The following MOB3B variants were observed in gnomAD, a reference collection of about 807,000 sequenced individuals.
MOB3B encodes the protein MOB kinase activator-like 2B.
In MOB3B, 7 loss-of-function variants were observed where a neutral mutation model predicts 18.7. The observed-to-expected ratio is 0.37, with a 90% CI of 0.21 to 0.70. The LOEUF is 0.70. Among genes scored for constraint, MOB3B ranks in the 30% least tolerant of loss-of-function variants. The pLI, the probability that MOB3B is intolerant of heterozygous loss-of-function variation, is 0.52. For synonymous variants in MOB3B, 111 were observed against 99.9 expected (o/e 1.11, Z -0.66); for missense variants, 253 against 281.3 (o/e 0.90, Z 0.72).
intron 2 of MOB3B, among the ~76,000 whole-genome samples, chr9:27,381,531 T>C (rs1396254541): frequency 6.6e-6 from 1 of 152,210 alleles, no homozygotes; most frequent in African/African-American, 2.4e-5. Flanking sequence ...CAGATGTGGA[T>C]AGCAGAGAAC....
intron 2 of MOB3B, among the ~76,000 whole-genome samples, chr9:27,448,949 CA>C (rs1230328528): frequency 1.3e-5 from 2 of 152,186 alleles, no homozygotes; most frequent in African/African-American, 4.8e-5. Context: ...TAGCTTATCC[CA>C]GATGTGACTA....
intron 2 of MOB3B, among the ~76,000 whole-genome samples, chr9:27,399,611 T>C (rs1012622305): frequency 2.6e-5 from 4 of 152,108 alleles, no homozygotes; most frequent in Admixed American, 2.0e-4. Context: ...ACCCTTCCAT[T>C]AATACAAATC....
chr9:27,425,381 A>AC (rs1822312406), intron 2 of MOB3B, among the ~76,000 whole-genome samples: 1 of 95,734 alleles, frequency 1.0e-5, no homozygotes. Flanking sequence ...CTCAAAAAAA[A>AC]AAAAAAAACA....
intron 1 of MOB3B, among the ~76,000 whole-genome samples, chr9:27,515,830 CTG>C (rs1820223821): frequency 6.6e-6 from 1 of 152,226 alleles, no homozygotes; most frequent in African/African-American, 2.4e-5. Context: ...GTGGATTGAA[CTG>C]TGTCTCCCCC....
intron 2 of MOB3B, among the ~76,000 whole-genome samples, chr9:27,428,223 C>T (rs1304504847): frequency 6.6e-6 from 1 of 152,084 alleles, no homozygotes; most frequent in Non-Finnish European, 1.5e-5. Flanking sequence ...TCAAGGAGCT[C>T]ATGATCTAGT....
chr9:27,527,095 T>C (rs1563891353), intron 1 of MOB3B, among the ~76,000 whole-genome samples: 1 of 152,234 alleles, frequency 6.6e-6, no homozygotes, highest in Non-Finnish European at 1.5e-5. Flanking sequence ...TTTTTTCCTA[T>C]AGTGATTTTT....
chr9:27,473,490 G>T (rs1168468914), intron 1 of MOB3B, among the ~76,000 whole-genome samples: 1 of 152,054 alleles, frequency 6.6e-6, no homozygotes, highest in Non-Finnish European at 1.5e-5. Context: ...AAGCAGAGAG[G>T]GACCTGTTGC....
intron 2 of MOB3B, among the ~76,000 whole-genome samples, chr9:27,454,449 G>T (rs899738352): frequency 1.3e-5 from 2 of 152,224 alleles, no homozygotes; most frequent in African/African-American, 4.8e-5. Flanking sequence ...CAGTCTGAAA[G>T]TGCATGGAAA....
chr9:27,440,885 G>A (rs1822584956), intron 2 of MOB3B, among the ~76,000 whole-genome samples: 1 of 152,154 alleles, frequency 6.6e-6, no homozygotes, highest in African/African-American at 2.4e-5. Context: ...TTGGCACCAA[G>A]GATCAGTTTT....
chr9:27,363,304 CT>C (rs201059757), intron 2 of MOB3B, among the ~76,000 whole-genome samples: 1,686 of 152,252 alleles, frequency 0.011, 29 homozygotes, highest in Non-Finnish European at 0.011. Flanking sequence ...GAGATGGAGT[CT>C]CGCACTTTCG....
rs149077628 is a variant in MOB3B, at chr9:27,460,366, T to C, written c.-198-4618A>G. ...AATTATAACAATAAAACATGTGCAC[T>C]ATAAAAACATGCAGAGAGAATTCGG... On this transcript the variant is annotated intron_variant, in intron 1 of 3. Transcript: ENST00000262244. Among the ~76,000 whole-genome samples the C allele has an allele frequency of 5.3e-3, 803 of 152,224 alleles. 9 individuals are homozygous for C. Among genetic ancestry groups the C allele is most frequent in the Non-Finnish European group, 6.7e-3 (453 of 67,994 alleles).
intron 1 of MOB3B, among the ~76,000 whole-genome samples, chr9:27,483,427 C>T (rs1265764401): frequency 2.0e-5 from 3 of 152,108 alleles, no homozygotes; most frequent in Admixed American, 6.5e-5. Context: ...CCACCGCGCC[C>T]GGCCAATATA....
intron 3 of MOB3B, among the ~76,000 whole-genome samples, chr9:27,339,589 T>A (rs913006989): frequency 1.3e-5 from 2 of 152,218 alleles, no homozygotes; most frequent in Admixed American, 1.3e-4. Flanking sequence ...AATCCTTACA[T>A]CAGTCTTATG....
chr9:27,364,949 A>G (rs921440798), intron 2 of MOB3B, among the ~76,000 whole-genome samples: 2 of 152,246 alleles, frequency 1.3e-5, no homozygotes, highest in Admixed American at 6.5e-5. Context: ...AGTATAATCT[A>G]CCTTGCATTA....
chr9:27,492,079 G>C (rs1400508338), intron 1 of MOB3B, among the ~76,000 whole-genome samples: 1 of 152,168 alleles, frequency 6.6e-6, no homozygotes, highest in Non-Finnish European at 1.5e-5. Context: ...AGAGTAGAGA[G>C]GGATGTCCAT....
intron 2 of MOB3B, among the ~76,000 whole-genome samples, chr9:27,415,843 C>T (rs1019601226): frequency 1.3e-5 from 2 of 152,196 alleles, no homozygotes; most frequent in African/African-American, 4.8e-5. Context: ...AATTTCATCA[C>T]ATCTGGTTCT....
chr9:27,378,497 C>A (rs543597331), intron 2 of MOB3B: 1 of 471,134 alleles, frequency 2.1e-6, no homozygotes, highest in East Asian at 7.0e-5. Context: ...AGGGCAAAAG[C>A]CAGGGTTTAG....
intron 2 of MOB3B, among the ~76,000 whole-genome samples, chr9:27,367,775 T>G (rs1031056238): frequency 6.6e-6 from 1 of 152,168 alleles, no homozygotes; most frequent in African/African-American, 2.4e-5. Flanking sequence ...CTCCAAAGGA[T>G]AAACTCTTCT....
At chr9:27,417,187 C>A (rs1268900051) in intron 2 of MOB3B, among the ~76,000 whole-genome samples, 1 of 152,042 alleles carries the variant, frequency 6.6e-6, no homozygotes, top group Non-Finnish European at 1.5e-5. Flanking sequence ...CACCGTGAAA[C>A]CCCGTCTCTA....
Sources: gnomAD v4.1 joint callset for allele counts (sites outside exome capture counted in the v4.1 genomes callset) on GRCh38, gnomAD v4.1.1 for gene constraint, MANE v1.5 for transcripts, NCBI Gene and HGNC (gene_info 2026-07-23, HGNC 2026-07-21) for gene names.